Variants in TRIO observed in about 807,000 individuals in gnomAD.
The protein encoded by TRIO is trio Rho guanine nucleotide exchange factor, also known as triple functional domain protein.
In TRIO, 58 loss-of-function variants were observed where a neutral mutation model predicts 351.9. That is an observed-to-expected ratio of 0.16 (90% CI 0.13 to 0.21). The LOEUF is 0.21. TRIO is among the 10% of genes least tolerant of loss of function. The probability of loss-of-function intolerance (pLI) is 1.00; values close to 1 mark genes in which losing one functional copy is unlikely to be tolerated. For missense variants in TRIO, 3,201 were observed against 4,027.8 expected (o/e 0.79, Z 5.56); for synonymous variants, 1,758 against 1,595.7 (o/e 1.10, Z -2.42).
At chr5:14,467,143 G>T (rs1017472959) in intron 37 of TRIO, among the ~76,000 whole-genome samples, 1 of 152,098 alleles carries the variant, frequency 6.6e-6, no homozygotes, top group African/African-American at 2.4e-5. Context: ...ATACATACTT[G>T]TTTCCCATAT....
At chr5:14,176,105 A>G (rs539237754) in intron 1 of TRIO, among the ~76,000 whole-genome samples, 1 of 152,198 alleles carries the variant, frequency 6.6e-6, no homozygotes, top group East Asian at 1.9e-4. Flanking sequence ...GGAGGAGTTC[A>G]AGGCCAGCCT....
chr5:14,347,486 G>A (rs1166026989), intron 11 of TRIO, among the ~76,000 whole-genome samples: 1 of 152,240 alleles, frequency 6.6e-6, no homozygotes, highest in Non-Finnish European at 1.5e-5. Flanking sequence ...CTGACTCCAC[G>A]TAACCTATTC....
At chr5:14,405,606 T>A (rs1748635326) in intron 31 of TRIO, among the ~76,000 whole-genome samples, 1 of 152,178 alleles carries the variant, frequency 6.6e-6, no homozygotes, top group South Asian at 2.1e-4. Context: ...AATGATGGAT[T>A]ATTGCAATAG....
rs775028842 is a variant in TRIO at position 14,497,645 on chromosome 5, T to G, written c.8020-202T>G. The stretch of plus-strand genomic sequence containing the variant: ...ACACATCTAAGCAGTGTTTTTGTGT[T>G]TGTGGGTAGGAAGAAAAAGACCCAC... On this transcript the variant is annotated intron_variant, in intron 50 of 56. Coordinates refer to ENST00000344204, the MANE Select transcript of TRIO (RefSeq NM_007118.4). The surrounding 1 kb of genome is among the most constrained non-coding windows in gnomAD (Gnocchi z 4.4). Among the ~76,000 whole-genome samples, 1 of 152,204 alleles carries G rather than the reference T, an allele frequency of 6.6e-6. No individual in the cohort carries two copies. Among genetic ancestry groups the G allele is most frequent in the Non-Finnish European group, 1.5e-5 (1 of 68,034 alleles).
intron 1 of TRIO, among the ~76,000 whole-genome samples, chr5:14,238,098 A>AACTTTAGATGTG (rs1793886667): frequency 6.6e-6 from 1 of 152,170 alleles, no homozygotes; most frequent in South Asian, 2.1e-4. Context: ...AGAGATAGTG[A>AACTTTAGATGTG]ACTTTATACA....
Position 14,390,882 on chromosome 5 carries a change from T to C in TRIO, c.4129-19T>C. On this transcript the variant is annotated intron_variant, in intron 26 of 56. Transcript: ENST00000344204. ...ACTTGTTATGATTTAAATGAGATCT[T>C]TTTTTTTTTGGCTTACAGGCAGACA... The C allele has an allele frequency of 7.0e-7, 1 of 1,428,986 alleles. No homozygotes were observed. Among genetic ancestry groups the C allele is most frequent in the Non-Finnish European group, 9.5e-7 (1 of 1,057,020 alleles). The allele number at this position is 1,428,986 out of a possible 1,614,324, so 88.5% of individuals were successfully genotyped here. A position where few individuals can be genotyped will look rare whatever the true frequency, so the allele number is the denominator to read the frequency against.
intron 1 of TRIO, among the ~76,000 whole-genome samples, chr5:14,245,364 G>A (rs1581435385): frequency 6.6e-6 from 1 of 152,156 alleles, no homozygotes; most frequent in Admixed American, 6.5e-5. Context: ...ATCAGTGTAC[G>A]GTTTTCAAAT....
At chr5:14,465,218 C>A (rs971145822) in intron 36 of TRIO, among the ~76,000 whole-genome samples, 1 of 152,170 alleles carries the variant, frequency 6.6e-6, no homozygotes, top group African/African-American at 2.4e-5. Flanking sequence ...CAGAGCCTTG[C>A]CAGCACTTGC....
At position 14,482,746 on chromosome 5, in the gene TRIO, G is replaced by A. The variant is rs367680636; in HGVS notation, c.6630G>A (p.Pro2210=). Residue 2210 remains proline, a synonymous_variant, in exon 46 of 57, where the codon CCG becomes CCA. Coordinates refer to ENST00000344204, the MANE Select transcript of TRIO (RefSeq NM_007118.4). ...PLDKKKGFSM[P]GFLFKNSIKV... is the part of the protein sequence containing the mutation. ...ATAAAAAGAAGGGCTTCTCCATGCC[G>A]GGATTCCTGTTTAAGAACAGTATCA... The A allele has an allele frequency of 1.1e-5, 18 of 1,603,940 alleles. No homozygotes were observed. The highest frequency in any genetic ancestry group is 1.7e-4 in the Middle Eastern group (1 of 5,746).
At chr5:14,174,003 G>A (rs1274320115) in intron 1 of TRIO, among the ~76,000 whole-genome samples, 1 of 152,242 alleles carries the variant, frequency 6.6e-6, no homozygotes, top group Non-Finnish European at 1.5e-5. Flanking sequence ...TTTATGCAAG[G>A]CTGTTGTAGG....
chr5:14,174,414 T>C (rs1789285379), intron 1 of TRIO, among the ~76,000 whole-genome samples: 1 of 152,218 alleles, frequency 6.6e-6, no homozygotes, highest in African/African-American at 2.4e-5. Flanking sequence ...TTCTGTTTCC[T>C]GTTTCTCCCT....
intron 11 of TRIO, among the ~76,000 whole-genome samples, chr5:14,353,633 G>A (rs1052590007): frequency 1.3e-5 from 2 of 152,106 alleles, no homozygotes; most frequent in Non-Finnish European, 2.9e-5. Context: ...GCTGGATCCA[G>A]GTAACTTGTC....
At chr5:14,409,379 A>C (rs1329886017) in intron 33 of TRIO, among the ~76,000 whole-genome samples, 1 of 105,220 alleles carries the variant, frequency 9.5e-6, no homozygotes. Flanking sequence ...TAGGTTTGCC[A>C]AAAAAAAAAA....
chr5:14,196,419 T>C (rs1790773576), intron 1 of TRIO, among the ~76,000 whole-genome samples: 1 of 53,686 alleles, frequency 1.9e-5, no homozygotes, highest in African/African-American at 6.3e-5. Flanking sequence ...CCAGACTCCG[T>C]CTCAAAAAAA....
At chr5:14,346,600 A>G (rs755967368) in intron 11 of TRIO, among the ~76,000 whole-genome samples, 12 of 152,222 alleles carry the variant, frequency 7.9e-5, no homozygotes, top group Non-Finnish European at 1.2e-4. Context: ...TCTAGAGACA[A>G]TTTTTAAACC....
intron 9 of TRIO, among the ~76,000 whole-genome samples, chr5:14,328,103 A>G (rs1740556313): frequency 6.6e-6 from 1 of 152,286 alleles, no homozygotes; most frequent in South Asian, 2.1e-4. Context: ...AATGTGCTCA[A>G]TACACTAGTT....
rs377453631 is a variant in TRIO at position 14,480,024 on chromosome 5, C to T, written c.6336+13C>T. On this transcript the variant is annotated intron_variant, in intron 43 of 56. Coordinates refer to ENST00000344204, the MANE Select transcript of TRIO (RefSeq NM_007118.4). ...GCTGTTACTGAAGGTGAGGAGGTGG[C>T]GGGACAAACTCTGGTGTCAGGAGTG... 28 of 1,612,306 alleles carry T rather than the reference C, an allele frequency of 1.7e-5. No homozygotes were observed. The African/African-American group carries it at 2.8e-4, about 16-fold the overall frequency.
At chr5:14,224,893 A>G (rs944921223) in intron 1 of TRIO, among the ~76,000 whole-genome samples, 3 of 151,982 alleles carry the variant, frequency 2.0e-5, no homozygotes, top group African/African-American at 7.2e-5. Flanking sequence ...TTAAATACGC[A>G]ATAGGTGTTT....
At chr5:14,189,049 T>G (rs1790305594) in intron 1 of TRIO, among the ~76,000 whole-genome samples, 1 of 152,218 alleles carries the variant, frequency 6.6e-6, no homozygotes, top group Non-Finnish European at 1.5e-5. Context: ...TGGCCATGGC[T>G]CTCTCTTGAA....
Sources: allele counts gnomAD v4.1 joint callset (sites outside exome capture counted in the v4.1 genomes callset), GRCh38; gene constraint gnomAD v4.1.1; non-coding constraint Gnocchi (gnomAD v3.1); transcripts MANE v1.5; gene names NCBI Gene and HGNC (gene_info 2026-07-23, HGNC 2026-07-21).